The following PCDH9 variants were observed in gnomAD, a reference collection of about 807,000 sequenced individuals.
The protein encoded by PCDH9 is protocadherin-9.
PCDH9 carries 24 observed loss-of-function variants against 70.6 expected under a neutral mutation model. That is an observed-to-expected ratio of 0.34 (90% CI 0.25 to 0.48). The LOEUF is 0.48. PCDH9 is among the 20% of genes least tolerant of loss of function. PCDH9 has a pLI of 0.99. For missense variants in PCDH9, 1,281 were observed against 1,503.6 expected (o/e 0.85, Z 2.45); for synonymous variants, 562 against 558.5 (o/e 1.01, Z -0.09).
chr13:67,201,476 A>C (rs2089210412), intron 2 of PCDH9: 1 of 152,010 alleles, frequency 6.6e-6, no homozygotes. Context: ...TGTTACTTAA[A>C]TTCCCATTCA....
chr13:66,334,027 ATTTC>A (rs1476458456), intron 4 of PCDH9, among the ~76,000 whole-genome samples: 1 of 152,150 alleles, frequency 6.6e-6, no homozygotes, highest in African/African-American at 2.4e-5. Flanking sequence ...AACATTTATC[ATTTC>A]TTTGTGTTGA....
intron 3 of PCDH9, among the ~76,000 whole-genome samples, chr13:66,866,457 G>A (rs979550789): frequency 6.6e-6 from 1 of 151,718 alleles, no homozygotes; most frequent in Non-Finnish European, 1.5e-5. Flanking sequence ...ACTCCAGCCT[G>A]GGGGACAGAG....
chr13:66,470,134 T>C (rs549990021), intron 4 of PCDH9, among the ~76,000 whole-genome samples: 4 of 152,324 alleles, frequency 2.6e-5, no homozygotes, highest in Non-Finnish European at 4.4e-5. Context: ...ATGCCACTTC[T>C]ATATTAGTAT....
intron 2 of PCDH9, among the ~76,000 whole-genome samples, chr13:67,032,412 C>A (rs2139887922): frequency 6.6e-6 from 1 of 152,142 alleles, no homozygotes; most frequent in East Asian, 1.9e-4. Flanking sequence ...CATTTGCCAT[C>A]CTAGGCCTCC....
chr13:66,979,597 T>C (rs575942324), intron 2 of PCDH9, among the ~76,000 whole-genome samples: 22 of 152,266 alleles, frequency 1.4e-4, no homozygotes, highest in Non-Finnish European at 2.4e-4. Flanking sequence ...ATAGTGACTC[T>C]CATTTTAAGA....
At chr13:66,437,003 C>A (rs560714843) in intron 4 of PCDH9, among the ~76,000 whole-genome samples, 1 of 150,822 alleles carries the variant, frequency 6.6e-6, no homozygotes, top group Non-Finnish European at 1.5e-5. Context: ...GTCAAAGGAA[C>A]TATGATCAAG....
chr13:66,379,687 C>T (rs1956809742), intron 4 of PCDH9, among the ~76,000 whole-genome samples: 1 of 151,988 alleles, frequency 6.6e-6, no homozygotes, highest in Admixed American at 6.6e-5. Flanking sequence ...TTTGTATTAC[C>T]CTGGCAATCA....
intron 3 of PCDH9, among the ~76,000 whole-genome samples, chr13:66,769,521 G>A (rs116394480): frequency 0.015 from 2,312 of 150,958 alleles, 67 homozygotes; most frequent in African/African-American, 0.053. Flanking sequence ...TAGGTTTTTC[G>A]GAGCCACTTT....
intron 3 of PCDH9, among the ~76,000 whole-genome samples, chr13:66,737,188 A>G (rs937769264): frequency 4.6e-4 from 25 of 53,882 alleles, no homozygotes; most frequent in Non-Finnish European, 1.2e-4. Context: ...AAGTTAAAAC[A>G]TGTATTTGTT....
At chr13:66,316,921 C>T in intron 4 of PCDH9, among the ~76,000 whole-genome samples, 1 of 152,026 alleles carries the variant, frequency 6.6e-6, no homozygotes, top group East Asian at 1.9e-4. Flanking sequence ...TGGGGTTTCG[C>T]CATGTTGGTC....
At chr13:67,156,140 A>T (rs993464543) in intron 2 of PCDH9, among the ~76,000 whole-genome samples, 4 of 152,020 alleles carry the variant, frequency 2.6e-5, no homozygotes, top group Non-Finnish European at 5.9e-5. Context: ...GACCTAGATG[A>T]GGACCTGGCA....
chr13:66,409,392 T>C (rs888239345), intron 4 of PCDH9, among the ~76,000 whole-genome samples: 3 of 152,160 alleles, frequency 2.0e-5, no homozygotes, highest in Non-Finnish European at 2.9e-5. Context: ...CACTAATTGT[T>C]GTCCTCCCCC....
intron 4 of PCDH9, among the ~76,000 whole-genome samples, chr13:66,561,276 TGCA>T (rs1158457061): frequency 1.3e-5 from 2 of 152,200 alleles, no homozygotes; most frequent in African/African-American, 4.8e-5. Context: ...GCTCGGGACC[TGCA>T]GCCCGCCATG....
intron 3 of PCDH9, among the ~76,000 whole-genome samples, chr13:66,880,746 T>C (rs1475678535): frequency 6.6e-6 from 1 of 152,192 alleles, no homozygotes; most frequent in East Asian, 1.9e-4. Context: ...TGACATGATA[T>C]AAATAAGGCA....
intron 2 of PCDH9, among the ~76,000 whole-genome samples, chr13:67,000,193 G>A (rs921243294): frequency 9.9e-5 from 15 of 152,152 alleles, no homozygotes; most frequent in African/African-American, 3.6e-4. Flanking sequence ...GGACATGGAT[G>A]AAATTGGAAA....
At chr13:66,398,405 G>C (rs1006378760) in intron 4 of PCDH9, among the ~76,000 whole-genome samples, 3 of 151,936 alleles carry the variant, frequency 2.0e-5, no homozygotes, top group African/African-American at 7.2e-5. Context: ...CAGCAAAAAA[G>C]CATAAAAGAC....
intron 2 of PCDH9, chr13:66,996,144 C>T (rs1433293707): frequency 6.6e-6 from 1 of 152,042 alleles, no homozygotes; most frequent in Non-Finnish European, 1.5e-5. Context: ...TAAACTGAAG[C>T]TTGGGTTCTC....
intron 3 of PCDH9, among the ~76,000 whole-genome samples, chr13:66,886,575 A>G (rs1177397529): frequency 6.6e-6 from 1 of 152,162 alleles, no homozygotes; most frequent in Non-Finnish European, 1.5e-5. Context: ...ATTTGAACAG[A>G]GAATCTGTTT....
rs569788324 is a variant in PCDH9 at position 66,437,346 on chromosome 13, C to CA, written c.3341-132319_3341-132318insT. On this transcript the variant is annotated intron_variant, in intron 4 of 4. Coordinates refer to ENST00000377865, the MANE Select transcript of PCDH9 (RefSeq NM_203487.3). ...GACGTGAACCCGGGAGGCGAGCTTG[C>CA]GTGAGCCGAGATCGCTCCACCGCAC... 4.5e-3 allele frequency among the ~76,000 whole-genome samples: 591 copies of CA among 130,956 alleles called. 19 individuals carry two copies. In the East Asian group the frequency reaches 0.093, roughly 21 times the overall value. 85.9% of individuals were successfully genotyped at this position (130,956 alleles called of 152,430 possible). A position where few individuals can be genotyped will look rare whatever the true frequency, so the allele number is the denominator to read the frequency against.
Sources: allele counts gnomAD v4.1 joint callset (sites outside exome capture counted in the v4.1 genomes callset), GRCh38; gene constraint gnomAD v4.1.1; transcripts MANE v1.5; gene names NCBI Gene and HGNC (gene_info 2026-07-23, HGNC 2026-07-21).